The following FAM110D variants were observed in gnomAD, a reference collection of about 807,000 sequenced individuals.
FAM110D encodes protein FAM110D.
For missense variants in FAM110D, 376 were observed against 395.6 expected, an observed-to-expected ratio of 0.95 and a Z score of 0.42; for synonymous variants, 174 against 189.4, an observed-to-expected ratio of 0.92 and a Z score of 0.67.
chr1:26,161,166 C>G lies in FAM110D; in HGVS notation c.-80-46C>G. 2 of 963,802 alleles carry G rather than the reference C, an allele frequency of 2.1e-6. No homozygotes were observed. The highest frequency in any genetic ancestry group is 3.0e-6 in the Non-Finnish European group (2 of 658,252). The allele number at this position is 963,802 out of a possible 1,614,324, so 59.7% of individuals were successfully genotyped here. ...CTGAGGAATGCCGGCAGGAGAGGAC[C>G]AGGGGCATTTCCTACCCTTCCCCTG... On this transcript the variant is annotated intron_variant, in intron 1 of 1. Coordinates refer to ENST00000374268, the MANE Select transcript of FAM110D (RefSeq NM_024869.3). This position sits in a 1 kb window ranked among gnomAD's most constrained non-coding sequence, Gnocchi z 5.4.
chr1:26,159,510 C>T (rs1035213388), intron 1 of FAM110D, among the ~76,000 whole-genome samples: 1 of 151,764 alleles, frequency 6.6e-6, no homozygotes, highest in Non-Finnish European at 1.5e-5. Flanking sequence ...TTCCTGGGAC[C>T]TTGGAATCTG....
intron 1 of FAM110D, 110 bp downstream of exon 1, chr1:26,159,236 G>A (rs1433602255): frequency 6.6e-6 from 1 of 152,350 alleles, no homozygotes; most frequent in Non-Finnish European, 1.5e-5. Context: ...GCCCAGAGCA[G>A]AAGCCTTGGG....
Position 26,162,458 on chromosome 1 carries a change from C to G in FAM110D, c.*351C>G. 1 of 201,962 alleles carries G rather than the reference C, an allele frequency of 5.0e-6. No homozygotes were observed. The highest frequency in any genetic ancestry group is 1.1e-5 in the Non-Finnish European group (1 of 91,376). The allele number at this position is 201,962 out of a possible 1,614,324, so 12.5% of individuals were successfully genotyped here. A position where few individuals can be genotyped will look rare whatever the true frequency, so the allele number is the denominator to read the frequency against. On this transcript the variant is annotated 3_prime_UTR_variant, in exon 2 of 2. Coordinates refer to ENST00000374268, the MANE Select transcript of FAM110D (RefSeq NM_024869.3). The surrounding 1 kb of genome is among the most constrained non-coding windows in gnomAD (Gnocchi z 5.3). Reference sequence around the variant, plus strand: ...CCGTGGGTTTTGGAATGTGTGTTCCCGGCTGTGTGATCCTGGGCAAGAACT... The same window carrying G: ...CCGTGGGTTTTGGAATGTGTGTTCCGGGCTGTGTGATCCTGGGCAAGAACT...
Position 26,162,132 on chromosome 1 carries a change from GGGAC to G in FAM110D, c.*26_*29del, listed in dbSNP as rs890494101. 1 of 1,236,430 alleles carries G rather than the reference GGGAC, an allele frequency of 8.1e-7. No homozygotes were observed. The highest frequency in any genetic ancestry group is 4.2e-5 in the Admixed American group (1 of 23,650). The allele number at this position is 1,236,430 out of a possible 1,614,324, so 76.6% of individuals were successfully genotyped here. On this transcript the variant is annotated 3_prime_UTR_variant, in exon 2 of 2. Transcript: ENST00000374268. This position sits in a 1 kb window ranked among gnomAD's most constrained non-coding sequence, Gnocchi z 5.3. ...ACCGCCGCGGCTCCGGACTGGCCCC[GGGAC>G]TGGCCCCGGGCACGGAAAAGGACAC...
At chr1:26,160,343 C>T (rs1418993547) in intron 1 of FAM110D, among the ~76,000 whole-genome samples, 1 of 152,178 alleles carries the variant, frequency 6.6e-6, no homozygotes, top group African/African-American at 2.4e-5. Context: ...ATTCACCCAC[C>T]TCGGCCTCCC....
rs1349727741 is a variant in FAM110D, at chr1:26,161,320, C to G, written c.29C>G (p.Ser10Cys). MLLAPPSTP[S>C]RGRTPSAVER... ...CTCCTGGCCCCTCCCTCCACCCCGT[C>G]CAGAGGACGGACCCCCAGCGCCGTG... The change falls in exon 2 of 2, where the codon TCC becomes TGC. Residue 10 changes from serine (S) to cysteine (C), a missense_variant. Physicochemically the swap from Ser to Cys is moderately radical, Grantham distance 112. Transcript: ENST00000374268. This position sits in a 1 kb window ranked among gnomAD's most constrained non-coding sequence, Gnocchi z 5.4. The G allele has an allele frequency of 1.3e-6, 2 of 1,588,254 alleles. No homozygotes were observed. Among genetic ancestry groups the G allele is most frequent in the East Asian group, 4.6e-5 (2 of 43,392 alleles).
chr1:26,162,106 G>T lies in FAM110D; in HGVS notation c.815G>T (p.Ter272LeuextTer29). Reference protein sequence around the residue: ...ARGPPRESEV* With the variant: ...ARGPPRESEVL ...GGACCGCCGCGCGAGTCCGAGGTGT[G>T]ACCGCCGCGGCTCCGGACTGGCCCC... The change falls in exon 2 of 2, where the codon TGA becomes TTA. Residue 272 changes from the stop codon to leucine, a stop_lost. Transcript: ENST00000374268. The surrounding 1 kb of genome is among the most constrained non-coding windows in gnomAD (Gnocchi z 5.3). The T allele has an allele frequency of 7.9e-7, 1 of 1,263,020 alleles. No homozygotes were observed. Among genetic ancestry groups the T allele is most frequent in the South Asian group, 3.0e-5 (1 of 32,904 alleles). 78.2% of individuals were successfully genotyped at this position (1,263,020 alleles called of 1,614,324 possible).
chr1:26,163,095 A>G lies in FAM110D; in HGVS notation c.*988A>G, dbSNP rs1466476812. 1.3e-5 allele frequency: 2 copies of G among 152,048 alleles called. No individual in the cohort carries two copies. The highest frequency in any genetic ancestry group is 4.8e-5 in the African/African-American group (2 of 41,336). The allele number at this position is 152,048 out of a possible 1,614,324, so 9.4% of individuals were successfully genotyped here. A position where few individuals can be genotyped will look rare whatever the true frequency, so the allele number is the denominator to read the frequency against. On this transcript the variant is annotated 3_prime_UTR_variant, in exon 2 of 2. Transcript: ENST00000374268. ...CAGTGAGCCGAGATCGAGCCATTGCACTCCAGCCTGGGCAACAGGGCCAGA... is the reference window on the plus strand; with the variant it reads ...CAGTGAGCCGAGATCGAGCCATTGCGCTCCAGCCTGGGCAACAGGGCCAGA...
chr1:26,163,847 A>C lies in FAM110D; in HGVS notation c.*1740A>C. On this transcript the variant is annotated 3_prime_UTR_variant, in exon 2 of 2. Transcript: ENST00000374268. Reference sequence around the variant, plus strand: ...CTAGTACAGGGACGGCGCACATAGTAGGGCCACAGGCACAGTTTGTTGAAT... The same window carrying C: ...CTAGTACAGGGACGGCGCACATAGTCGGGCCACAGGCACAGTTTGTTGAAT... 3.8e-6 allele frequency: 1 copy of C among 262,992 alleles called. No homozygotes were observed. 16.3% of individuals were successfully genotyped at this position (262,992 alleles called of 1,614,324 possible).
chr1:26,161,072 C>T lies in FAM110D; in HGVS notation c.-80-140C>T, dbSNP rs1296282398. ...CTGAAGGACAGGGAAAGGGGATGGCCTGAGCCTCTGCTCCCTGGATGTGGC... is the reference window on the plus strand; with the variant it reads ...CTGAAGGACAGGGAAAGGGGATGGCTTGAGCCTCTGCTCCCTGGATGTGGC... On this transcript the variant is annotated intron_variant, in intron 1 of 1. Transcript: ENST00000374268. The surrounding 1 kb of genome is among the most constrained non-coding windows in gnomAD (Gnocchi z 5.4). 2.1e-5 allele frequency: 11 copies of T among 526,428 alleles called. No homozygotes were observed. In the East Asian group the frequency reaches 2.5e-4, roughly 12 times the overall value. The allele number at this position is 526,428 out of a possible 1,614,324, so 32.6% of individuals were successfully genotyped here.
At chr1:26,160,281 A>G (rs1324866332) in intron 1 of FAM110D, among the ~76,000 whole-genome samples, 5 of 151,858 alleles carry the variant, frequency 3.3e-5, no homozygotes, top group African/African-American at 1.2e-4. Flanking sequence ...TTCAGTAGAG[A>G]TGGGGTTTTG....
Position 26,161,556 on chromosome 1 carries a change from C to T in FAM110D, c.265C>T (p.Gln89Ter). The change falls in exon 2 of 2, where the codon CAG (glutamine) becomes TAG (stop). Residue 89 changes from glutamine to a stop codon, truncating the protein, a stop_gained. Coordinates refer to ENST00000374268, the MANE Select transcript of FAM110D (RefSeq NM_024869.3). LOFTEE classifies it low-confidence loss of function (END_TRUNC). The surrounding 1 kb of genome is among the most constrained non-coding windows in gnomAD (Gnocchi z 5.4). The part of the protein sequence containing the change: ...PRPDSLIFYR[Q>*]KRDCKASVNK... ...GCCTGATTCCCTCATCTTCTACCGC[C>T]AGAAGCGGGACTGCAAGGCTTCGGT... The T allele has an allele frequency of 6.4e-7, 1 of 1,550,470 alleles. No homozygotes were observed. Among genetic ancestry groups the T allele is most frequent in the Non-Finnish European group, 8.7e-7 (1 of 1,146,976 alleles).
rs763443281 is a variant in FAM110D at position 26,161,351 on chromosome 1, G to A, written c.60G>A (p.Arg20=). 3 of 1,593,460 alleles carry A rather than the reference G, an allele frequency of 1.9e-6. No homozygotes were observed. Among genetic ancestry groups the A allele is most frequent in the Non-Finnish European group, 8.5e-7 (1 of 1,170,626 alleles). The part of the protein sequence containing the change: ...SRGRTPSAVE[R]LEADKAKYVK... ...GACGGACCCCCAGCGCCGTGGAGAG[G>A]CTGGAAGCCGACAAAGCCAAGTATG... Residue 20 remains arginine (R), a synonymous_variant, in exon 2 of 2, where the codon AGG becomes AGA. Transcript: ENST00000374268. The surrounding 1 kb of genome is among the most constrained non-coding windows in gnomAD (Gnocchi z 5.4).
chr1:26,160,504 G>T (rs1384066246), intron 1 of FAM110D, among the ~76,000 whole-genome samples: 3 of 152,126 alleles, frequency 2.0e-5, no homozygotes, highest in African/African-American at 7.2e-5. Context: ...AGAAACCTGG[G>T]TTCCAGTCCT....
chr1:26,161,223 C>A lies in FAM110D; in HGVS notation c.-69C>A. 7.0e-7 allele frequency: 1 copy of A among 1,425,198 alleles called. No homozygotes were observed. 88.3% of individuals were successfully genotyped at this position (1,425,198 alleles called of 1,614,324 possible). ...CTCTCTCCCTGCAGGTCAGTGAGAG[C>A]CCAAGCCAATTGCTCTAGGCCCCGT... is the stretch of plus-strand genomic sequence containing the variant. On this transcript the variant is annotated 5_prime_UTR_variant, in exon 2 of 2. Coordinates refer to ENST00000374268, the MANE Select transcript of FAM110D (RefSeq NM_024869.3). The surrounding 1 kb of genome is among the most constrained non-coding windows in gnomAD (Gnocchi z 5.4).
chr1:26,161,983 A>C lies in FAM110D; in HGVS notation c.692A>C (p.Glu231Ala). The C allele has an allele frequency of 3.2e-6, 4 of 1,240,314 alleles. No homozygotes were observed. Among genetic ancestry groups the C allele is most frequent in the Non-Finnish European group, 4.0e-6 (4 of 996,658 alleles). 76.8% of individuals were successfully genotyped at this position (1,240,314 alleles called of 1,614,324 possible). The change falls in exon 2 of 2, where the codon GAG becomes GCG. Residue 231 changes from glutamate (E) to alanine (A), a missense_variant. By Grantham distance (107) the Glu-to-Ala change is moderately radical (BLOSUM62 -1). Transcript: ENST00000374268. This position sits in a 1 kb window ranked among gnomAD's most constrained non-coding sequence, Gnocchi z 5.4. The part of the protein sequence containing the change: ...PGGAGGGGGS[E>A]AAGSARDRRP... Reference sequence around the variant, plus strand: ...GGCGCGGGCGGCGGCGGCGGCTCGGAGGCAGCGGGCTCGGCGCGGGACCGG... The same window carrying C: ...GGCGCGGGCGGCGGCGGCGGCTCGGCGGCAGCGGGCTCGGCGCGGGACCGG...
rs1569852587 is a variant in FAM110D, at chr1:26,161,807, G to A, written c.516G>A (p.Glu172=). The change falls in exon 2 of 2, where the codon GAG becomes GAA. Residue 172 remains glutamate (E), a synonymous_variant. Coordinates refer to ENST00000374268, the MANE Select transcript of FAM110D (RefSeq NM_024869.3). The surrounding 1 kb of genome is among the most constrained non-coding windows in gnomAD (Gnocchi z 5.4). ...KERFFNYCGL[E]RALVEVLGAE... is the part of the protein sequence containing the mutation. The stretch of plus-strand genomic sequence containing the variant: ...GCTTCTTCAACTACTGCGGCCTGGA[G>A]CGCGCGCTGGTGGAGGTGCTGGGCG... 6 of 1,549,358 alleles carry A rather than the reference G, an allele frequency of 3.9e-6. No individual in the cohort carries two copies. In the East Asian group the frequency reaches 1.5e-4, roughly 38 times the overall value.
rs948904708 is a variant in FAM110D at position 26,162,898 on chromosome 1, T to A, written c.*791T>A. On this transcript the variant is annotated 3_prime_UTR_variant, in exon 2 of 2. Coordinates refer to ENST00000374268, the MANE Select transcript of FAM110D (RefSeq NM_024869.3). This position sits in a 1 kb window ranked among gnomAD's most constrained non-coding sequence, Gnocchi z 5.3. ...GGCTCAGGCCTGTAATCCCAGCACT[T>A]TGGGAGGCTGAGGAGGGTAGATCAC... The A allele has an allele frequency of 6.6e-6, 1 of 152,024 alleles. No individual in the cohort carries two copies. The highest frequency in any genetic ancestry group is 6.6e-5 in the Admixed American group (1 of 15,260). The allele number at this position is 152,024 out of a possible 1,614,324, so 9.4% of individuals were successfully genotyped here.
chr1:26,160,915 C>G (rs924610227), intron 1 of FAM110D, among the ~76,000 whole-genome samples: 1 of 152,242 alleles, frequency 6.6e-6, no homozygotes, highest in Non-Finnish European at 1.5e-5. Context: ...GGAATTGGGC[C>G]GGGACCAGCC....
Sources: allele counts gnomAD v4.1 joint callset (sites outside exome capture counted in the v4.1 genomes callset), GRCh38; gene constraint gnomAD v4.1.1; non-coding constraint Gnocchi (gnomAD v3.1); transcripts MANE v1.5; gene names NCBI Gene and HGNC (gene_info 2026-07-23, HGNC 2026-07-21).